The following OTUD6B variants were observed in gnomAD, a reference collection of about 807,000 sequenced individuals.
OTUD6B encodes the protein OTU deubiquitinase 6B, also known as deubiquitinase OTUD6B.
A neutral mutation model predicts 36.9 loss-of-function variants in OTUD6B; 41 were observed. That is an observed-to-expected ratio of 1.11 (90% CI 0.87 to 1.44). OTUD6B has a LOEUF of 1.44. Ranked by LOEUF, OTUD6B falls within the 40% of genes most tolerant of loss-of-function variation. The pLI is 0.00. For missense variants in OTUD6B, 356 were observed against 344.8 expected, an observed-to-expected ratio of 1.03 and a Z score of -0.26; for synonymous variants, 114 against 114.2, an observed-to-expected ratio of 1.00 and a Z score of 0.01.
At chr8:91,072,670 A>G (rs951983265) in intron 2 of OTUD6B, among the ~76,000 whole-genome samples, 2 of 152,168 alleles carry the variant, frequency 1.3e-5, no homozygotes, top group African/African-American at 4.8e-5. Flanking sequence ...CAAGGCATAT[A>G]TGATACTCCA....
chr8:91,076,361 A>G (rs965115805), intron 3 of OTUD6B: 4 of 654,636 alleles, frequency 6.1e-6, no homozygotes, highest in South Asian at 6.9e-5. Flanking sequence ...GAAACTATAT[A>G]TTGCTGGAAA....
At chr8:91,070,948 GTTT>G (rs376355918) in intron 1 of OTUD6B, 187 bp from the exon 2 acceptor site, 177 of 512,922 alleles carry the variant, frequency 3.5e-4, no homozygotes, top group Non-Finnish European at 4.0e-4. Flanking sequence ...TGTTAATGAA[GTTT>G]TTTTTTTTTT....
intron 2 of OTUD6B, among the ~76,000 whole-genome samples, chr8:91,072,427 C>T (rs1812718729): frequency 6.6e-6 from 1 of 152,160 alleles, no homozygotes; most frequent in African/African-American, 2.4e-5. Flanking sequence ...TATGAAGGGT[C>T]ATATAGACCC....
chr8:91,080,820 A>G, intron 5 of OTUD6B, 90 bp downstream of exon 5: 1 of 908,502 alleles, frequency 1.1e-6, no homozygotes, highest in East Asian at 2.7e-5. Context: ...AGCTGATCCC[A>G]ATTTCTCTTT....
At chr8:91,080,609 G>C in intron 4 of OTUD6B, 60 bp from the exon 5 acceptor site, 1 of 1,537,796 alleles carries the variant, frequency 6.5e-7, no homozygotes, top group Non-Finnish European at 8.8e-7. Flanking sequence ...CTATAAAAGG[G>C]ATTTTGTAAC....
At chr8:91,074,861 C>T (rs528670075) in intron 3 of OTUD6B, among the ~76,000 whole-genome samples, 4 of 152,066 alleles carry the variant, frequency 2.6e-5, no homozygotes, top group African/African-American at 4.8e-5. Flanking sequence ...ACTTTGGGTA[C>T]GGTTCTTCTT....
intron 4 of OTUD6B, 75 bp from the exon 5 acceptor site, chr8:91,080,594 G>A (rs1812884578): frequency 6.6e-7 from 1 of 1,515,964 alleles, no homozygotes; most frequent in Non-Finnish European, 8.8e-7. Context: ...CAGGAATTGT[G>A]GGAACTATAA....
chr8:91,079,390 A>G (rs977088605), intron 4 of OTUD6B, among the ~76,000 whole-genome samples: 2 of 152,030 alleles, frequency 1.3e-5, no homozygotes, highest in African/African-American at 4.8e-5. Flanking sequence ...ACTTTCCTTT[A>G]GTGGAGTCTG....
Position 91,085,127 on chromosome 8 carries a change from A to G in OTUD6B, c.*259A>G, listed in dbSNP as rs77550841. 0.022 allele frequency: 4,592 copies of G among 211,896 alleles called. 59 individuals carry two copies. The highest frequency in any genetic ancestry group is 0.034 in the Middle Eastern group (20 of 584). The allele number at this position is 211,896 out of a possible 1,614,324, so 13.1% of individuals were successfully genotyped here. Reference sequence around the variant, plus strand: ...CCAAGATGGTCCCCTATTAGCTGATATTTTCATTTATGTAAGATCCTGGAC... The same window carrying G: ...CCAAGATGGTCCCCTATTAGCTGATGTTTTCATTTATGTAAGATCCTGGAC... On this transcript the variant is annotated 3_prime_UTR_variant, in exon 7 of 7. Coordinates refer to ENST00000404789, the MANE Select transcript of OTUD6B (RefSeq NM_016023.5).
chr8:91,070,527 G>A, intron 1 of OTUD6B, 61 bp downstream of exon 1: 1 of 1,472,746 alleles, frequency 6.8e-7, no homozygotes. Flanking sequence ...GCGCGTGGCG[G>A]GTCGATTCTG....
chr8:91,071,439 C>T, intron 2 of OTUD6B, 150 bp downstream of exon 2: 1 of 621,678 alleles, frequency 1.6e-6, no homozygotes, highest in East Asian at 3.4e-5. Flanking sequence ...AGCTCCGCCT[C>T]CCGGGTTCAG....
rs1310805102 is a variant in OTUD6B at position 91,080,731 on chromosome 8, G to A, written c.690+1G>A. The A allele has an allele frequency of 6.3e-7, 1 of 1,594,184 alleles. No homozygotes were observed. The highest frequency in any genetic ancestry group is 8.6e-7 in the Non-Finnish European group (1 of 1,168,026). ...AGCTGCATGGGGAGGTCAGCTTGAG[G>A]TAAGTTTGTAGTTATTCATAGTGAT... On this transcript the variant is annotated splice_donor_variant, in intron 5 of 6. Transcript: ENST00000404789. LOFTEE classifies it high-confidence loss of function.
intron 5 of OTUD6B, among the ~76,000 whole-genome samples, chr8:91,082,745 C>CTTTTTTT (rs369648071): frequency 1.2e-4 from 13 of 111,846 alleles, no homozygotes; most frequent in East Asian, 3.3e-4. Flanking sequence ...GGTCATATGT[C>CTTTTTTT]TTTTTTTTTT....
At chr8:91,074,899 G>A (rs1353096180) in intron 3 of OTUD6B, among the ~76,000 whole-genome samples, 2 of 147,246 alleles carry the variant, frequency 1.4e-5, no homozygotes, top group South Asian at 2.1e-4. Context: ...TCTATAAAAC[G>A]GGGGCAAATT....
intron 5 of OTUD6B, among the ~76,000 whole-genome samples, chr8:91,081,836 C>T (rs1245478948): frequency 6.6e-6 from 1 of 152,000 alleles, no homozygotes; most frequent in Admixed American, 6.6e-5. Context: ...GAACTGTATC[C>T]ATTAGTTTTG....
At chr8:91,072,037 G>T (rs1316179213) in intron 2 of OTUD6B, among the ~76,000 whole-genome samples, 1 of 152,188 alleles carries the variant, frequency 6.6e-6, no homozygotes, top group African/African-American at 2.4e-5. Flanking sequence ...TTATAAAAGT[G>T]CTTTATTAAC....
chr8:91,071,413 A>G (rs1315448086), intron 2 of OTUD6B, 124 bp downstream of exon 2: 5 of 772,532 alleles, frequency 6.5e-6, no homozygotes, highest in Non-Finnish European at 9.9e-6. Flanking sequence ...AACACGCTCA[A>G]TCTTGGCTCA....
chr8:91,078,776 G>T, intron 4 of OTUD6B, 108 bp downstream of exon 4: 1 of 593,742 alleles, frequency 1.7e-6, no homozygotes, highest in Non-Finnish European at 2.8e-6. Context: ...ATCCTTATGA[G>T]GAAAAAACAT....
chr8:91,076,523 C>G (rs1812805827), intron 3 of OTUD6B: 2 of 1,521,314 alleles, frequency 1.3e-6, no homozygotes, highest in East Asian at 2.5e-5. Flanking sequence ...AAGTGCCACT[C>G]TTTCAGTAAA....
Sources: gnomAD v4.1 joint callset for allele counts (sites outside exome capture counted in the v4.1 genomes callset) on GRCh38, gnomAD v4.1.1 for gene constraint, MANE v1.5 for transcripts, NCBI Gene and HGNC (gene_info 2026-07-23, HGNC 2026-07-21) for gene names.